SYT16: variants seen among roughly 807,000 people sequenced by gnomAD.
SYT16 encodes synaptotagmin-16.
SYT16 carries 42 observed loss-of-function variants against 61.4 expected under a neutral mutation model. The ratio of observed to expected loss-of-function variants is 0.68; its 90% CI spans 0.53 to 0.89. SYT16 has a LOEUF of 0.89. Among genes scored for constraint, SYT16 ranks in the 40% least tolerant of loss-of-function variants. SYT16 has a pLI of 0.00. For missense variants in SYT16, 804 were observed against 807.3 expected, an observed-to-expected ratio of 1.00 and a Z score of 0.05; for synonymous variants, 314 against 302.3, an observed-to-expected ratio of 1.04 and a Z score of -0.40.
At chr14:62,041,643 C>G (rs1366814650) in intron 3 of SYT16, among the ~76,000 whole-genome samples, 1 of 152,130 alleles carries the variant, frequency 6.6e-6, no homozygotes, top group African/African-American at 2.4e-5. Flanking sequence ...GTAGCTGGGT[C>G]TACAGGTGAG....
chr14:61,875,348 A>G (rs567287862), intron 1 of SYT16, among the ~76,000 whole-genome samples: 115 of 152,198 alleles, frequency 7.6e-4, no homozygotes, highest in Non-Finnish European at 1.6e-3. Context: ...GGAATCAGGG[A>G]ATCTTTGGGA....
rs552601273 is a variant in SYT16 at position 61,996,628 on chromosome 14, T to A, written c.523+86T>A. The A allele has an allele frequency of 5.9e-5, 87 of 1,476,888 alleles. No homozygotes were observed. In the South Asian group the frequency reaches 1.2e-3, roughly 20 times the overall value. The allele number at this position is 1,476,888 out of a possible 1,614,324, so 91.5% of individuals were successfully genotyped here. On this transcript the variant is annotated intron_variant, in intron 3 of 7. Transcript: ENST00000683842. Reference sequence around the variant, plus strand: ...TTTTGACTTGTTTTTAGTTATCATGTGGATTTTATTTTTCTCTCTCTTATA... The same window carrying A: ...TTTTGACTTGTTTTTAGTTATCATGAGGATTTTATTTTTCTCTCTCTTATA...
chr14:61,932,920 C>G (rs990946375), intron 1 of SYT16, among the ~76,000 whole-genome samples: 6 of 152,152 alleles, frequency 3.9e-5, no homozygotes, highest in African/African-American at 1.2e-4. Flanking sequence ...ACTGCCCAGT[C>G]CAGTATAGTT....
chr14:62,027,789 GTTTAA>G (rs1275964433), intron 3 of SYT16, among the ~76,000 whole-genome samples: 26 of 152,186 alleles, frequency 1.7e-4, no homozygotes, highest in African/African-American at 6.0e-4. Context: ...AGTCAGCCAT[GTTTAA>G]TTTGAGTCTT....
At chr14:61,881,434 A>C (rs772373259) in intron 1 of SYT16, among the ~76,000 whole-genome samples, 1 of 152,206 alleles carries the variant, frequency 6.6e-6, no homozygotes, top group Non-Finnish European at 1.5e-5. Context: ...AGCTCTTGTC[A>C]TGATACCAGT....
chr14:61,957,841 C>T (rs1459943032), intron 1 of SYT16, among the ~76,000 whole-genome samples: 1 of 151,818 alleles, frequency 6.6e-6, no homozygotes, highest in Non-Finnish European at 1.5e-5. Context: ...GAAGTGTTCC[C>T]TCTTCTTCTC....
chr14:61,973,224 T>C (rs1367024423), intron 2 of SYT16, among the ~76,000 whole-genome samples: 1 of 152,196 alleles, frequency 6.6e-6, no homozygotes, highest in Non-Finnish European at 1.5e-5. Flanking sequence ...TCCTTTAGGC[T>C]ATATATATTT....
chr14:61,950,687 G>A (rs567927737), intron 1 of SYT16, among the ~76,000 whole-genome samples: 4 of 152,304 alleles, frequency 2.6e-5, no homozygotes, highest in Non-Finnish European at 5.9e-5. Flanking sequence ...TAGACAATTA[G>A]CAGCTGATAA....
rs1491125020 is a variant in SYT16, at chr14:62,011,868, T to TACACAC, written c.523+15327_523+15328insCACACA. Among the ~76,000 whole-genome samples, 50 of 62,154 alleles carry TACACAC rather than the reference T, an allele frequency of 8.0e-4. 1 individual carries two copies. Among genetic ancestry groups the TACACAC allele is most frequent in the East Asian group, 6.4e-3 (5 of 778 alleles). The allele number at this position is 62,154 out of a possible 152,430, so 40.8% of individuals were successfully genotyped here. On this transcript the variant is annotated intron_variant, in intron 3 of 7. Transcript: ENST00000683842. ...ATGTCTACCACAAGTCAGGGAACAC[T>TACACAC]ATATATACACACACACACACACACA...
intron 2 of SYT16, among the ~76,000 whole-genome samples, chr14:61,992,111 G>C (rs2052576790): frequency 6.6e-6 from 1 of 152,022 alleles, no homozygotes. Context: ...CCATTATACC[G>C]AGGGAAACGT....
chr14:61,986,389 A>G (rs2052313179), intron 2 of SYT16, among the ~76,000 whole-genome samples: 2 of 151,148 alleles, frequency 1.3e-5, no homozygotes, highest in Non-Finnish European at 2.9e-5. Flanking sequence ...CTTGAAATGT[A>G]AAGGATTGAA....
At chr14:61,984,467 T>G (rs1447764146) in intron 2 of SYT16, among the ~76,000 whole-genome samples, 1 of 152,214 alleles carries the variant, frequency 6.6e-6, no homozygotes, top group Non-Finnish European at 1.5e-5. Context: ...AGCTGCTCTA[T>G]TGCAGGACTC....
At chr14:61,821,801 A>G (rs2045627473) in intron 1 of SYT16, among the ~76,000 whole-genome samples, 1 of 152,202 alleles carries the variant, frequency 6.6e-6, no homozygotes, top group Non-Finnish European at 1.5e-5. Flanking sequence ...GATGAGGATA[A>G]TCATAAACCA....
chr14:61,916,926 C>CT (rs913516196), intron 1 of SYT16, among the ~76,000 whole-genome samples: 10 of 152,012 alleles, frequency 6.6e-5, no homozygotes, highest in African/African-American at 1.9e-4. Flanking sequence ...GGATTTCATT[C>CT]TTTTTTTAAC....
Position 62,107,017 on chromosome 14 carries a change from T to C in SYT16, c.*6310T>C, listed in dbSNP as rs1171187457. On this transcript the variant is annotated 3_prime_UTR_variant, in exon 8 of 8. Transcript: ENST00000683842. ...GTTACCAGTTTTACCTTGAGGATGA[T>C]GAGAAGGCTGACTTCCTATTGTATT... 6.6e-6 allele frequency: 1 copy of C among 151,962 alleles called. No homozygotes were observed. The highest frequency in any genetic ancestry group is 1.5e-5 in the Non-Finnish European group (1 of 68,004). 9.4% of individuals were successfully genotyped at this position (151,962 alleles called of 1,614,324 possible). A position where few individuals can be genotyped will look rare whatever the true frequency, so the allele number is the denominator to read the frequency against.
chr14:61,962,485 G>T (rs2051154425), intron 1 of SYT16, among the ~76,000 whole-genome samples: 3 of 151,948 alleles, frequency 2.0e-5, no homozygotes, highest in South Asian at 4.2e-4. Flanking sequence ...ATGTGTCTCG[G>T]TATAGATCTT....
chr14:62,069,780 A>G lies in SYT16; in HGVS notation c.701A>G (p.His234Arg), dbSNP rs2056222547. The G allele has an allele frequency of 6.2e-7, 1 of 1,613,930 alleles. No homozygotes were observed. Among genetic ancestry groups the G allele is most frequent in the Non-Finnish European group, 8.5e-7 (1 of 1,179,902 alleles). ...KPKFSRSLLT[H>R]GEDGTEVSAC... ...AAATTCAGCCGTTCGTTGTTGACAC[A>G]CGGAGAAGATGGCACAGAAGTATCT... The change falls in exon 4 of 8, where the codon CAC becomes CGC. Residue 234 changes from histidine to arginine, a missense_variant. His to Arg is a conservative substitution (Grantham distance 29, BLOSUM62 0). Coordinates refer to ENST00000683842, the MANE Select transcript of SYT16 (RefSeq NM_001367656.1).
chr14:62,089,309 A>G (rs1320508139), intron 7 of SYT16, among the ~76,000 whole-genome samples: 4 of 117,972 alleles, frequency 3.4e-5, no homozygotes, highest in African/African-American at 1.2e-4. Context: ...ACAGAGTGAG[A>G]TTCCATCTCA....
intron 1 of SYT16, among the ~76,000 whole-genome samples, chr14:61,893,065 G>A (rs1041006816): frequency 5.9e-5 from 9 of 152,108 alleles, no homozygotes; most frequent in African/African-American, 1.7e-4. Context: ...CCGTTATAGC[G>A]ACACTCATGT....
Sources: gnomAD v4.1 joint callset for allele counts (sites outside exome capture counted in the v4.1 genomes callset) on GRCh38, gnomAD v4.1.1 for gene constraint, MANE v1.5 for transcripts, NCBI Gene and HGNC (gene_info 2026-07-23, HGNC 2026-07-21) for gene names.